NTN1: variants seen among roughly 807,000 people sequenced by gnomAD.
NTN1 encodes netrin-1.
In NTN1, 11 loss-of-function variants were observed where a neutral mutation model predicts 54.2. The observed-to-expected ratio is 0.20, with a 90% CI of 0.13 to 0.34. The LOEUF (loss-of-function observed/expected upper bound fraction) is 0.34. Ranked by LOEUF, NTN1 falls within the 10% of genes least tolerant of loss-of-function variation. The probability of loss-of-function intolerance (pLI) is 1.00; values close to 1 mark genes in which losing one functional copy is unlikely to be tolerated. For missense variants in NTN1, 740 were observed against 893.1 expected (o/e 0.83, Z 2.18); for synonymous variants, 371 against 382.0 (o/e 0.97, Z 0.33).
At chr17:9,169,196 T>C (rs1183637820) in intron 3 of NTN1, among the ~76,000 whole-genome samples, 7 of 152,254 alleles carry the variant, frequency 4.6e-5, no homozygotes, top group Non-Finnish European at 5.9e-5. Flanking sequence ...GGGATTATGG[T>C]CAGGCTGCTG....
intron 5 of NTN1, among the ~76,000 whole-genome samples, chr17:9,194,276 C>CT (rs565492331): frequency 6.7e-4 from 102 of 152,126 alleles, no homozygotes; most frequent in Non-Finnish European, 5.7e-4. Context: ...ATGAAGGACT[C>CT]TATTTAGAAA....
At chr17:9,185,131 C>A (rs189497727) in intron 5 of NTN1, among the ~76,000 whole-genome samples, 65 of 152,318 alleles carry the variant, frequency 4.3e-4, no homozygotes, top group Admixed American at 1.2e-3. Flanking sequence ...ACCTGCGCTG[C>A]CCTACTCTGG....
intron 6 of NTN1, among the ~76,000 whole-genome samples, chr17:9,232,016 C>T (rs1011296426): frequency 2.0e-5 from 3 of 152,092 alleles, no homozygotes; most frequent in East Asian, 1.9e-4. Context: ...TGGTTGGCTG[C>T]TCCAGCCAGC....
chr17:9,155,095 C>A (rs960743813), intron 2 of NTN1, among the ~76,000 whole-genome samples: 1 of 152,212 alleles, frequency 6.6e-6, no homozygotes, highest in African/African-American at 2.4e-5. Context: ...GTCCTCTCCC[C>A]GTTGTTCCAG....
chr17:9,038,113 G>C (rs947502113), intron 2 of NTN1, among the ~76,000 whole-genome samples: 5 of 152,040 alleles, frequency 3.3e-5, no homozygotes, highest in African/African-American at 1.2e-4. Flanking sequence ...GACTCCCTAG[G>C]TTCCTTCAAG....
At chr17:9,062,035 G>T (rs1431450219) in intron 2 of NTN1, among the ~76,000 whole-genome samples, 1 of 152,196 alleles carries the variant, frequency 6.6e-6, no homozygotes, top group Non-Finnish European at 1.5e-5. Flanking sequence ...CAAGCCTGAT[G>T]AAATGGCGTA....
At chr17:9,161,733 A>G (rs1292947901) in intron 2 of NTN1, among the ~76,000 whole-genome samples, 1 of 152,112 alleles carries the variant, frequency 6.6e-6, no homozygotes, top group Non-Finnish European at 1.5e-5. Context: ...AGCCGAGATC[A>G]GGCCACTGCA....
upstream of NTN1, among the ~76,000 whole-genome samples, chr17:9,020,819 C>T (rs2091843607): frequency 6.6e-6 from 1 of 152,214 alleles, no homozygotes; most frequent in South Asian, 2.1e-4. Flanking sequence ...ACCCCTTCAG[C>T]CTCCTGCCCA....
chr17:9,225,223 C>G (rs1008523035), intron 6 of NTN1, among the ~76,000 whole-genome samples: 5 of 151,840 alleles, frequency 3.3e-5, no homozygotes, highest in Admixed American at 6.6e-5. Context: ...CCGTTGCACT[C>G]CAGCCTGAGC....
Position 9,189,227 on chromosome 17 carries a change from G to A in NTN1, c.1411+6258G>A, listed in dbSNP as rs549536501. Among the ~76,000 whole-genome samples the A allele has an allele frequency of 9.8e-5, 15 of 152,322 alleles. 2 individuals are homozygous for A. The South Asian group carries it at 2.7e-3, about 27-fold the overall frequency. ...CCCCCGACCCCTGTTTTACAGAGGA[G>A]TAAACTGAGGCACAGAGAGATGGGT... On this transcript the variant is annotated intron_variant, in intron 5 of 6. Transcript: ENST00000173229.
intron 5 of NTN1, among the ~76,000 whole-genome samples, chr17:9,218,791 A>C (rs1905266826): frequency 6.6e-6 from 1 of 152,160 alleles, no homozygotes; most frequent in South Asian, 2.1e-4. Context: ...CCCCTCTGCC[A>C]CAGCCTATGC....
In NTN1 at chr17:9,179,971, C is replaced by A. The variant is rs199671643; in HGVS notation, c.1357+15C>A. On this transcript the variant is annotated intron_variant, in intron 4 of 6. Coordinates refer to ENST00000173229, the MANE Select transcript of NTN1 (RefSeq NM_004822.3). ...CCCCTGCATAAGTATGTGTGGGGCA[C>A]CCTGCTTTTCAAGTCTCTGGCTTTG... 1.9e-6 allele frequency: 3 copies of A among 1,606,032 alleles called. No homozygotes were observed. The South Asian group carries it at 3.3e-5, about 18-fold the overall frequency.
intron 2 of NTN1, among the ~76,000 whole-genome samples, chr17:9,074,150 A>C (rs2092041606): frequency 6.6e-6 from 1 of 152,198 alleles, no homozygotes; most frequent in African/African-American, 2.4e-5. Context: ...ATTTGAGAGA[A>C]GGCAGTGGTG....
chr17:9,190,149 C>CAG, intron 5 of NTN1, among the ~76,000 whole-genome samples: 1 of 152,286 alleles, frequency 6.6e-6, no homozygotes, highest in African/African-American at 2.4e-5. Context: ...GAAACAAAAT[C>CAG]TCAACTAGAA....
chr17:9,061,637 A>G (rs1016020926), intron 2 of NTN1, among the ~76,000 whole-genome samples: 2 of 152,062 alleles, frequency 1.3e-5, no homozygotes, highest in African/African-American at 4.8e-5. Flanking sequence ...CATTTGGAGA[A>G]CCACTGGTAA....
At chr17:9,006,232 G>A in the NTN1 span, among the ~76,000 whole-genome samples, 971 of 152,290 alleles carry the variant, frequency 6.4e-3, 10 homozygotes, top group African/African-American at 0.022. Flanking sequence ...TTGTAGCTGC[G>A]AATTGTAAAA....
intron 5 of NTN1, among the ~76,000 whole-genome samples, chr17:9,185,308 C>T (rs970214870): frequency 4.0e-5 from 6 of 151,716 alleles, no homozygotes; most frequent in African/African-American, 7.3e-5. Context: ...CCCTGGGAAG[C>T]GGGGCCCGGG....
intron 2 of NTN1, among the ~76,000 whole-genome samples, chr17:9,066,712 C>T (rs1028701726): frequency 4.0e-5 from 6 of 151,696 alleles, no homozygotes; most frequent in African/African-American, 4.8e-5. Context: ...ACAAATGGCA[C>T]GTTGTGGCCA....
At chr17:9,142,171 C>A (rs1430854964) in intron 2 of NTN1, among the ~76,000 whole-genome samples, 1 of 151,896 alleles carries the variant, frequency 6.6e-6, no homozygotes, top group African/African-American at 2.4e-5. Context: ...CCCCTGTAAT[C>A]CCAGCTACTC....
Sources: gnomAD v4.1 joint callset for allele counts (sites outside exome capture counted in the v4.1 genomes callset) on GRCh38, gnomAD v4.1.1 for gene constraint, MANE v1.5 for transcripts, NCBI Gene and HGNC (gene_info 2026-07-23, HGNC 2026-07-21) for gene names.